MEF2B: variants seen among roughly 807,000 people sequenced by gnomAD.
The protein encoded by MEF2B is myocyte-specific enhancer factor 2B.
A neutral mutation model predicts 32.2 loss-of-function variants in MEF2B; 15 were observed. The observed-to-expected ratio is 0.47, with a 90% CI of 0.31 to 0.72. The LOEUF (loss-of-function observed/expected upper bound fraction) is 0.72, where lower values mean the gene tolerates loss of function less well. Among genes scored for constraint, MEF2B ranks in the 30% least tolerant of loss-of-function variants. MEF2B has a pLI of 0.05. For synonymous variants in MEF2B, 205 were observed against 225.6 expected, an observed-to-expected ratio of 0.91 and a Z score of 0.82; for missense variants, 441 against 511.5, an observed-to-expected ratio of 0.86 and a Z score of 1.33.
In MEF2B at chr19:19,160,194, T is replaced by C. The variant is rs529131036; in HGVS notation, c.-29-9430A>G. 2.6e-5 allele frequency among the ~76,000 whole-genome samples: 4 copies of C among 152,144 alleles called. No homozygotes were observed. The South Asian group carries it at 8.3e-4, about 32-fold the overall frequency. On this transcript the variant is annotated intron_variant, in intron 1 of 8. Transcript: ENST00000424583. ...CATGTTGGCCAGGCTGGTCTCGAAC[T>C]CCTGACCTCAAGTGATCCGCCTGCT...
At chr19:19,156,023 T>C (rs1017331898) in intron 1 of MEF2B, among the ~76,000 whole-genome samples, 6 of 152,190 alleles carry the variant, frequency 3.9e-5, no homozygotes, top group African/African-American at 1.2e-4. Flanking sequence ...GGAGGAGGCA[T>C]GTAGTTGGAT....
intron 1 of MEF2B, among the ~76,000 whole-genome samples, chr19:19,155,077 T>A (rs1021428894): frequency 2.0e-5 from 3 of 152,160 alleles, no homozygotes; most frequent in Non-Finnish European, 4.4e-5. Flanking sequence ...AAAGCCATCC[T>A]CCACTCTAGC....
rs2060033663 is a variant in MEF2B, at chr19:19,147,102, C to T, written c.475G>A (p.Glu159Lys). 1.2e-6 allele frequency: 2 copies of T among 1,608,714 alleles called. No homozygotes were observed. The highest frequency in any genetic ancestry group is 1.7e-6 in the Non-Finnish European group (2 of 1,178,604). ...PPGCDPSGLGEALPAQSRPSP... is the reference protein window; with the variant it reads ...PPGCDPSGLGKALPAQSRPSP... ...GGGCGGCTCTGGGCGGGCAGTGCTT[C>T]CCCAAGCCCACTGGGGTCACAGCCT... Residue 159 changes from glutamate (E) to lysine (K), a missense_variant, in exon 5 of 9, where the codon GAA becomes AAA. By Grantham distance (56) the Glu-to-Lys change is moderately conservative. This residue lies in a region of MEF2B where 326 missense variants were observed against 328.4 expected (regional missense o/e 0.99). Coordinates refer to ENST00000424583, the MANE Select transcript of MEF2B (RefSeq NM_001145785.2).
Position 19,146,889 on chromosome 19 carries a change from G to GA in MEF2B, c.542-15dup. The GA allele has an allele frequency of 6.2e-7, 1 of 1,608,316 alleles. No individual in the cohort carries two copies. The highest frequency in any genetic ancestry group is 1.1e-5 in the South Asian group (1 of 90,640). On this transcript the variant is annotated splice_polypyrimidine_tract_variant and intron_variant, in intron 5 of 8. Coordinates refer to ENST00000424583, the MANE Select transcript of MEF2B (RefSeq NM_001145785.2). ...GGTGCACCAGGCCTGGGGAAGAGGAGACCCCAGAGAGAGAGGACAGGCAGG... is the reference window on the plus strand; with the variant it reads ...GGTGCACCAGGCCTGGGGAAGAGGAGAACCCCAGAGAGAGAGGACAGGCAGG...
At chr19:19,155,257 C>A (rs2060112511) in intron 1 of MEF2B, among the ~76,000 whole-genome samples, 1 of 152,156 alleles carries the variant, frequency 6.6e-6, no homozygotes, top group African/African-American at 2.4e-5. Context: ...CGATAAATAT[C>A]TCTGACTAGA....
chr19:19,164,095 T>C (rs545411958), intron 1 of MEF2B, among the ~76,000 whole-genome samples: 1 of 152,240 alleles, frequency 6.6e-6, no homozygotes, highest in East Asian at 1.9e-4. Context: ...GCCTCCCTAG[T>C]AGCTGGGATC....
chr19:19,156,045 G>T (rs1182079753), intron 1 of MEF2B, among the ~76,000 whole-genome samples: 1 of 152,172 alleles, frequency 6.6e-6, no homozygotes, highest in Non-Finnish European at 1.5e-5. Flanking sequence ...TAGACGCAGA[G>T]GCTGGATGGG....
intron 1 of MEF2B, among the ~76,000 whole-genome samples, chr19:19,152,096 G>A (rs1267366841): frequency 6.6e-6 from 1 of 151,464 alleles, no homozygotes; most frequent in East Asian, 2.0e-4. Context: ...AAGTAGCTGA[G>A]ATTACAGGTG....
intron 1 of MEF2B, among the ~76,000 whole-genome samples, chr19:19,166,307 G>A (rs987517761): frequency 7.2e-5 from 11 of 152,108 alleles, no homozygotes; most frequent in African/African-American, 2.7e-4. Context: ...GGGTATCAGG[G>A]TAACCACACA....
chr19:19,158,451 A>T (rs1429416368), intron 1 of MEF2B, among the ~76,000 whole-genome samples: 1 of 150,782 alleles, frequency 6.6e-6, no homozygotes, highest in African/African-American at 2.4e-5. Context: ...CCCCTAAAAA[A>T]AAAAAAAAAA....
At chr19:19,148,016 C>T (rs1568546196) in intron 3 of MEF2B, among the ~76,000 whole-genome samples, 184 bp from the exon 4 acceptor site, 1 of 152,244 alleles carries the variant, frequency 6.6e-6, no homozygotes, top group Non-Finnish European at 1.5e-5. Flanking sequence ...GCAGTTTCCT[C>T]CCCTGGGACC....
chr19:19,169,881 C>T, intron 1 of MEF2B, among the ~76,000 whole-genome samples: 1 of 152,138 alleles, frequency 6.6e-6, no homozygotes, highest in East Asian at 1.9e-4. Context: ...CATCACAGAG[C>T]TCACAGACAC....
chr19:19,162,150 G>A lies in MEF2B; in HGVS notation c.-30+8055C>T, dbSNP rs903658814. Among the ~76,000 whole-genome samples, 9 of 150,702 alleles carry A rather than the reference G, an allele frequency of 6.0e-5. No individual in the cohort carries two copies. The East Asian group carries it at 7.8e-4, about 13-fold the overall frequency. ...TTATTTTTTTTTGAGATGGGGTCTC[G>A]CTCTGTTGCCCAAGCTGGAGTGCAG... On this transcript the variant is annotated intron_variant, in intron 1 of 8. Coordinates refer to ENST00000424583, the MANE Select transcript of MEF2B (RefSeq NM_001145785.2).
At position 19,146,618 on chromosome 19, in the gene MEF2B, A is replaced by T. The variant is rs769734787; in HGVS notation, c.706T>A (p.Cys236Ser). ...GGGGGTCCGGGAGTTGCAGTGGAGC[A>T]GGGGTTCTGCAGGCCACTGTAGAGG... ...RSLYSGLQNP[C>S]STATPGPPLG... is the part of the protein sequence containing the mutation. Residue 236 changes from cysteine (C) to serine (S), a missense_variant, in exon 7 of 9, where the codon TGC (cysteine) becomes AGC (serine). By Grantham distance (112) the Cys-to-Ser change is moderately radical. This residue lies in a region of MEF2B where 326 missense variants were observed against 328.4 expected (regional missense o/e 0.99). Coordinates refer to ENST00000424583, the MANE Select transcript of MEF2B (RefSeq NM_001145785.2). 1.1e-5 allele frequency: 18 copies of T among 1,611,086 alleles called. No homozygotes were observed. The African/African-American group carries it at 2.4e-4, about 22-fold the overall frequency.
intron 1 of MEF2B, among the ~76,000 whole-genome samples, chr19:19,154,327 C>A (rs1263638512): frequency 6.6e-6 from 1 of 151,978 alleles, no homozygotes; most frequent in East Asian, 1.9e-4. Flanking sequence ...CCATGCCCAG[C>A]TAATTTTTGT....
intron 1 of MEF2B, among the ~76,000 whole-genome samples, chr19:19,169,311 C>T (rs1356474250): frequency 6.6e-6 from 1 of 151,682 alleles, no homozygotes; most frequent in Non-Finnish European, 1.5e-5. Context: ...CAAAGATCAC[C>T]ACTGTACTCC....
At chr19:19,168,964 A>G (rs1033879704) in intron 1 of MEF2B, among the ~76,000 whole-genome samples, 5 of 152,122 alleles carry the variant, frequency 3.3e-5, no homozygotes, top group South Asian at 2.1e-4. Context: ...CAGAAAATCA[A>G]TCACTTGAAC....
intron 1 of MEF2B, among the ~76,000 whole-genome samples, chr19:19,168,536 G>A (rs1345849878): frequency 6.6e-6 from 1 of 151,498 alleles, no homozygotes; most frequent in African/African-American, 2.4e-5. Flanking sequence ...GCCTCCCAAA[G>A]TGCTTGGATT....
intron 1 of MEF2B, 115 bp from the exon 2 acceptor site, chr19:19,150,879 G>A (rs1203001717): frequency 1.6e-6 from 2 of 1,279,908 alleles, no homozygotes; most frequent in African/African-American, 2.9e-5. Context: ...AAGATGATGG[G>A]GAAAATCAAG....
Sources: allele counts gnomAD v4.1 joint callset (sites outside exome capture counted in the v4.1 genomes callset), GRCh38; gene constraint gnomAD v4.1.1; regional missense constraint gnomAD v4.1.1; transcripts MANE v1.5; gene names NCBI Gene and HGNC (gene_info 2026-07-23, HGNC 2026-07-21).